ACOT2: variants seen among roughly 807,000 people sequenced by gnomAD.
The protein encoded by ACOT2 is acyl-coenzyme A thioesterase 2, mitochondrial.
ACOT2 carries 15 observed loss-of-function variants against 20.1 expected under a neutral mutation model. The observed-to-expected ratio is 0.75, with a 90% CI of 0.50 to 1.15. The LOEUF (loss-of-function observed/expected upper bound fraction) is 1.15, where lower values mean the gene tolerates loss of function less well. ACOT2 is among the 50% of genes most tolerant of loss of function. The pLI, the probability that ACOT2 is intolerant of heterozygous loss-of-function variation, is 0.00. For synonymous variants in ACOT2, 252 were observed against 268.4 expected (o/e 0.94, Z 0.60); for missense variants, 479 against 615.3 (o/e 0.78, Z 2.34).
chr14:73,571,193 A>T (rs1313553884), intron 1 of ACOT2: 5 of 152,212 alleles, frequency 3.3e-5, no homozygotes, highest in Non-Finnish European at 7.3e-5. Context: ...TTACCATTCC[A>T]GGAGAGCAGC....
In ACOT2 at chr14:73,574,528, G is replaced by A. The variant is rs370480724; in HGVS notation, c.847-380G>A. On this transcript the variant is annotated intron_variant, in intron 2 of 2. Coordinates refer to ENST00000238651, the MANE Select transcript of ACOT2 (RefSeq NM_006821.6). ...TCCACCCGCCTCAGCCTCCCAAACT[G>A]TTGGGATTACAGGCGTCAGCCACCA... 7.8e-5 allele frequency: 30 copies of A among 386,182 alleles called. No individual in the cohort carries two copies. The East Asian group carries it at 9.1e-4, about 12-fold the overall frequency. 23.9% of individuals were successfully genotyped at this position (386,182 alleles called of 1,614,324 possible). A position where few individuals can be genotyped will look rare whatever the true frequency, so the allele number is the denominator to read the frequency against.
At chr14:73,572,798 A>G (rs1889791149) in intron 1 of ACOT2, among the ~76,000 whole-genome samples, 2 of 149,592 alleles carry the variant, frequency 1.3e-5, no homozygotes, top group South Asian at 4.3e-4. Context: ...GGTGGCCGCC[A>G]CCACACCCAG....
chr14:73,569,899 T>TA lies in ACOT2; in HGVS notation c.643+18dup. The TA allele has an allele frequency of 6.3e-7, 1 of 1,599,270 alleles. No homozygotes were observed. The highest frequency in any genetic ancestry group is 8.5e-7 in the Non-Finnish European group (1 of 1,174,014). ...CTGCCGCCAGGTGACTCACCTCCGC[T>TA]AATTGTTCCGTGTTCGTTCGCCTTT... On this transcript the variant is annotated intron_variant, in intron 1 of 2. Coordinates refer to ENST00000238651, the MANE Select transcript of ACOT2 (RefSeq NM_006821.6).
chr14:73,569,647 G>C lies in ACOT2; in HGVS notation c.407G>C (p.Gly136Ala). ...RAPALGGSFA[G>A]LEPMGLLWAL... ...CCCGCGCTGGGCGGCAGCTTCGCGG[G>C]GCTTGAGCCCATGGGGCTGCTCTGG... The change falls in exon 1 of 3, where the codon GGG (glycine) becomes GCG (alanine). Residue 136 changes from glycine (G) to alanine (A), a missense_variant. This residue lies in a region of ACOT2 where 400 missense variants were observed against 395.5 expected (regional missense o/e 1.01). Coordinates refer to ENST00000238651, the MANE Select transcript of ACOT2 (RefSeq NM_006821.6). The C allele has an allele frequency of 6.2e-7, 1 of 1,605,016 alleles. No homozygotes were observed.
upstream of ACOT2, among the ~76,000 whole-genome samples, chr14:73,568,820 T>G (rs928930199): frequency 1.7e-4 from 26 of 151,972 alleles, no homozygotes; most frequent in Admixed American, 1.4e-3. Flanking sequence ...CGATGTGGGA[T>G]TGATGTGGAG....
At chr14:73,571,843 TCTTC>T (rs1331719186) in intron 1 of ACOT2, among the ~76,000 whole-genome samples, 3 of 152,130 alleles carry the variant, frequency 2.0e-5, no homozygotes, top group African/African-American at 4.8e-5. Context: ...TAGGAAAACC[TCTTC>T]CTGTCAAATG....
intron 1 of ACOT2, 88 bp downstream of exon 1, chr14:73,569,971 C>A: frequency 7.2e-7 from 1 of 1,395,386 alleles, no homozygotes. Flanking sequence ...TATGTGTATG[C>A]CCCCCCGCCG....
At chr14:73,570,289 G>A (rs540365954) in intron 1 of ACOT2, among the ~76,000 whole-genome samples, 1 of 151,926 alleles carries the variant, frequency 6.6e-6, no homozygotes, top group African/African-American at 2.4e-5. Flanking sequence ...CATTGTAAGG[G>A]CCAGGCGCAG....
In ACOT2 at chr14:73,570,834, G is replaced by A. The variant is rs191047662; in HGVS notation, c.643+951G>A. Among the ~76,000 whole-genome samples, 50 of 150,850 alleles carry A rather than the reference G, an allele frequency of 3.3e-4. 1 individual carries two copies. The highest frequency in any genetic ancestry group is 6.5e-4 in the Non-Finnish European group (44 of 67,734). ...GCAGGAGAATCGCTGGAACCCGGGA[G>A]GCAGAGGTTGCAGTGAGCTGAGATC... On this transcript the variant is annotated intron_variant, in intron 1 of 2. Coordinates refer to ENST00000238651, the MANE Select transcript of ACOT2 (RefSeq NM_006821.6).
In ACOT2 at chr14:73,572,432, A is replaced by T. The variant is rs1392096772; in HGVS notation, c.644-956A>T. Among the ~76,000 whole-genome samples the T allele has an allele frequency of 1.3e-5, 2 of 151,996 alleles. 1 individual carries two copies. The highest frequency in any genetic ancestry group is 2.9e-5 in the Non-Finnish European group (2 of 67,944). On this transcript the variant is annotated intron_variant, in intron 1 of 2. Coordinates refer to ENST00000238651, the MANE Select transcript of ACOT2 (RefSeq NM_006821.6). ...AGGAGAACACATTCAGTATCATTCC[A>T]TTTAGATACAATTCAAAAACTAGGC...
upstream of ACOT2, chr14:73,569,137 C>T: frequency 7.5e-7 from 1 of 1,336,834 alleles, no homozygotes; most frequent in South Asian, 1.3e-5. Flanking sequence ...TCCAGTGTGT[C>T]TATATTTGGT....
At chr14:73,572,263 A>G in intron 1 of ACOT2, among the ~76,000 whole-genome samples, 1 of 146,984 alleles carries the variant, frequency 6.8e-6, no homozygotes, top group Admixed American at 6.9e-5. Context: ...CAGATTAATA[A>G]ATTGAGGTAT....
chr14:73,569,239 G>A lies in ACOT2; in HGVS notation c.-2G>A. ...CTTAGCCTGCGACGGCAGCCCGAGA[G>A]GATGTCTAACAAGCTTCTTTCTCCC... is the stretch of plus-strand genomic sequence containing the variant. On this transcript the variant is annotated 5_prime_UTR_variant, in exon 1 of 3. Coordinates refer to ENST00000238651, the MANE Select transcript of ACOT2 (RefSeq NM_006821.6). The A allele has an allele frequency of 6.2e-7, 1 of 1,613,116 alleles. No individual in the cohort carries two copies. The highest frequency in any genetic ancestry group is 1.7e-5 in the Admixed American group (1 of 60,000).
Position 73,569,825 on chromosome 14 carries a change from G to T in ACOT2, c.585G>T (p.Gly195=), listed in dbSNP as rs1371287357. Residue 195 remains glycine, a synonymous_variant, in exon 1 of 3, where the codon GGG becomes GGT. Coordinates refer to ENST00000238651, the MANE Select transcript of ACOT2 (RefSeq NM_006821.6). ...TRHERYFLPP[G]VRREPVRVGR... ...ACGAGCGCTACTTCCTCCCGCCCGG[G>T]GTGCGGCGCGAGCCGGTGCGCGTGG... is the stretch of plus-strand genomic sequence containing the variant. The T allele has an allele frequency of 1.2e-6, 2 of 1,600,294 alleles. No homozygotes were observed. The highest frequency in any genetic ancestry group is 1.8e-4 in the Middle Eastern group (1 of 5,686).
At chr14:73,571,794 G>T (rs3815274) in intron 1 of ACOT2, 3 of 152,030 alleles carry the variant, frequency 2.0e-5, no homozygotes, top group African/African-American at 4.8e-5. Flanking sequence ...CTTTGAATTC[G>T]CACAGTATGT....
At position 73,573,247 on chromosome 14, in the gene ACOT2, G is replaced by T. The variant is rs117476751; in HGVS notation, c.644-141G>T. ...AAACACTTGCCAGAGGTTTCTGGACGAACAGGTTTTCATTTCTCGTGGGTA... is the reference window on the plus strand; with the variant it reads ...AAACACTTGCCAGAGGTTTCTGGACTAACAGGTTTTCATTTCTCGTGGGTA... On this transcript the variant is annotated intron_variant, in intron 1 of 2. Transcript: ENST00000238651. 5 of 1,295,522 alleles carry T rather than the reference G, an allele frequency of 3.9e-6. No individual in the cohort carries two copies. In the African/African-American group the frequency reaches 5.8e-5, roughly 15 times the overall value. 80.3% of individuals were successfully genotyped at this position (1,295,522 alleles called of 1,614,324 possible).
rs764927753 is a variant in ACOT2 at position 73,575,371 on chromosome 14, A to G, written c.1310A>G (p.His437Arg). 37 of 1,153,202 alleles carry G rather than the reference A, an allele frequency of 3.2e-5. No individual in the cohort carries two copies. Among genetic ancestry groups the G allele is most frequent in the Non-Finnish European group, 4.2e-5 (35 of 839,348 alleles). 71.4% of individuals were successfully genotyped at this position (1,153,202 alleles called of 1,614,324 possible). ...TTCCCCCTGTGTCGGGCTTCCCTGCATGCCTTGGTGGGCAGTCCTATTATC... is the reference window on the plus strand; with the variant it reads ...TTCCCCCTGTGTCGGGCTTCCCTGCGTGCCTTGGTGGGCAGTCCTATTATC... ...PYFPLCRASLHALVGSPIIWG... is the reference protein window; with the variant it reads ...PYFPLCRASLRALVGSPIIWG... Residue 437 changes from histidine (H) to arginine (R), a missense_variant, in exon 3 of 3, where the codon CAT becomes CGT. His to Arg is a conservative substitution (Grantham distance 29). Transcript: ENST00000238651.
intron 1 of ACOT2, 98 bp downstream of exon 1, chr14:73,569,981 G>GC: frequency 6.9e-7 from 1 of 1,444,674 alleles, no homozygotes; most frequent in East Asian, 2.6e-5. Flanking sequence ...CCCCCCCGCC[G>GC]CGCCCCCGGG....
At chr14:73,574,796 G>T in intron 2 of ACOT2, 112 bp from the exon 3 acceptor site, 1 of 1,570,422 alleles carries the variant, frequency 6.4e-7, no homozygotes, top group Non-Finnish European at 8.7e-7. Context: ...TGGGTAAATG[G>T]TAGAACCTAG....
Sources: allele counts gnomAD v4.1 joint callset (sites outside exome capture counted in the v4.1 genomes callset), GRCh38; gene constraint gnomAD v4.1.1; regional missense constraint gnomAD v4.1.1; transcripts MANE v1.5; gene names NCBI Gene and HGNC (gene_info 2026-07-23, HGNC 2026-07-21).